The following SMOC2 variants were observed in gnomAD, a reference collection of about 807,000 sequenced individuals.
SMOC2 encodes the protein SPARC-related modular calcium-binding protein 2.
SMOC2 carries 39 observed loss-of-function variants against 61.4 expected under a neutral mutation model. The ratio of observed to expected loss-of-function variants is 0.64; its 90% CI spans 0.49 to 0.83. SMOC2 has a LOEUF of 0.83. Ranked by LOEUF, SMOC2 falls within the 40% of genes least tolerant of loss-of-function variation. The pLI is 0.00. For missense variants in SMOC2, 556 were observed against 592.9 expected (o/e 0.94, Z 0.65); for synonymous variants, 247 against 239.9 (o/e 1.03, Z -0.27).
intron 9 of SMOC2, among the ~76,000 whole-genome samples, chr6:168,624,537 CAT>C (rs1160734895): frequency 6.9e-6 from 1 of 144,122 alleles, no homozygotes; most frequent in African/African-American, 2.5e-5. Context: ...CAGATTCACA[CAT>C]AGACACATGC....
intron 1 of SMOC2, among the ~76,000 whole-genome samples, chr6:168,444,650 G>A (rs571122236): frequency 4.7e-4 from 72 of 152,226 alleles, no homozygotes; most frequent in Non-Finnish European, 9.7e-4. Context: ...GAAGAAGGAG[G>A]TACATTGAAT....
At chr6:168,529,855 A>G (rs1011479185) in intron 4 of SMOC2, among the ~76,000 whole-genome samples, 1 of 152,224 alleles carries the variant, frequency 6.6e-6, no homozygotes, top group African/African-American at 2.4e-5. Flanking sequence ...GGTCAACAGC[A>G]TGGGCCACAG....
chr6:168,604,973 G>A (rs575537149), intron 8 of SMOC2, among the ~76,000 whole-genome samples: 14 of 152,242 alleles, frequency 9.2e-5, no homozygotes, highest in African/African-American at 1.4e-4. Flanking sequence ...TGCAGATCCC[G>A]GAAGGAGGGG....
chr6:168,529,890 C>T (rs372470746), intron 4 of SMOC2, among the ~76,000 whole-genome samples: 3 of 152,158 alleles, frequency 2.0e-5, no homozygotes, highest in South Asian at 2.1e-4. Context: ...GATCTGTAGG[C>T]GCCAGGGAGC....
At chr6:168,595,459 G>A (rs886121079) in intron 7 of SMOC2, among the ~76,000 whole-genome samples, 9 of 152,176 alleles carry the variant, frequency 5.9e-5, no homozygotes, top group Admixed American at 2.0e-4. Context: ...AACCACCCCC[G>A]TCAGCTCTGC....
intron 9 of SMOC2, among the ~76,000 whole-genome samples, chr6:168,630,984 A>AC (rs1245303795): frequency 1.3e-5 from 2 of 152,122 alleles, no homozygotes; most frequent in Non-Finnish European, 2.9e-5. Flanking sequence ...TTTTAATTTC[A>AC]CCCCGGGCCT....
chr6:168,608,517 C>G (rs1785771437), intron 9 of SMOC2, among the ~76,000 whole-genome samples: 1 of 152,168 alleles, frequency 6.6e-6, no homozygotes, highest in African/African-American at 2.4e-5. Flanking sequence ...CAGATCAGCA[C>G]ACAGCACCCT....
At chr6:168,465,100 C>A (rs988014821) in intron 1 of SMOC2, among the ~76,000 whole-genome samples, 1 of 152,246 alleles carries the variant, frequency 6.6e-6, no homozygotes, top group African/African-American at 2.4e-5. Flanking sequence ...AGGAAGGGAA[C>A]CTGCCCAGCG....
chr6:168,595,248 C>T (rs866699107), intron 7 of SMOC2, among the ~76,000 whole-genome samples: 13 of 79,186 alleles, frequency 1.6e-4, no homozygotes, highest in South Asian at 4.3e-4. Flanking sequence ...TGAGGCCTCA[C>T]GGGCATCTTT....
intron 1 of SMOC2, among the ~76,000 whole-genome samples, chr6:168,456,648 G>A (rs938165693): frequency 1.3e-5 from 2 of 152,138 alleles, no homozygotes; most frequent in Non-Finnish European, 2.9e-5. Flanking sequence ...GGCTAGTACT[G>A]GATTTCAAAA....
intron 9 of SMOC2, among the ~76,000 whole-genome samples, chr6:168,627,399 T>C (rs1786441759): frequency 6.6e-6 from 1 of 152,220 alleles, no homozygotes; most frequent in Admixed American, 6.5e-5. Flanking sequence ...TATCTCCTGA[T>C]TGCTTGCTCC....
chr6:168,615,144 GGGGCCTCTTCACACCTACAGCCAGCACA>G (rs1786035327), intron 9 of SMOC2, among the ~76,000 whole-genome samples: 2 of 4,252 alleles, frequency 4.7e-4, no homozygotes, highest in African/African-American at 1.3e-3. Flanking sequence ...GCCAGCACAG[GGGGCCTCTTCACACCTACAGCCAGCACA>G]GGGCCTCTTC....
intron 9 of SMOC2, 93 bp from the exon 10 acceptor site, chr6:168,650,588 T>C: frequency 8.0e-7 from 1 of 1,242,384 alleles, no homozygotes. Context: ...AAAATACTCA[T>C]TTCCAAACAG....
intron 2 of SMOC2, among the ~76,000 whole-genome samples, chr6:168,520,605 C>T (rs753165413): frequency 6.6e-6 from 1 of 152,240 alleles, no homozygotes; most frequent in Non-Finnish European, 1.5e-5. Flanking sequence ...ATCCAGCTAG[C>T]TGCTCCTTCC....
intron 7 of SMOC2, among the ~76,000 whole-genome samples, chr6:168,581,500 G>A (rs1164303195): frequency 1.3e-5 from 2 of 152,178 alleles, no homozygotes; most frequent in African/African-American, 4.8e-5. Flanking sequence ...TGACACTGAC[G>A]TTTGAGAATC....
chr6:168,569,053 T>C (rs1348914152), intron 7 of SMOC2, among the ~76,000 whole-genome samples: 1 of 152,206 alleles, frequency 6.6e-6, no homozygotes, highest in East Asian at 1.9e-4. Flanking sequence ...TTCAGCACAT[T>C]TGGCTAAATA....
At chr6:168,664,140 C>G in intron 12 of SMOC2, 29 bp downstream of exon 12, 1 of 1,564,712 alleles carries the variant, frequency 6.4e-7, no homozygotes, top group Non-Finnish European at 8.7e-7. Flanking sequence ...TACTCTTAAC[C>G]ATTTCGTTTT....
intron 2 of SMOC2, among the ~76,000 whole-genome samples, chr6:168,518,211 C>A (rs569962498): frequency 4.6e-5 from 7 of 152,204 alleles, no homozygotes; most frequent in Admixed American, 2.6e-4. Flanking sequence ...TGGCTCCTAT[C>A]GGGCAGCATC....
chr6:168,606,715 G>A (rs968003463), intron 8 of SMOC2, among the ~76,000 whole-genome samples: 38 of 152,242 alleles, frequency 2.5e-4, no homozygotes, highest in Admixed American at 6.5e-4. Context: ...GAGAACTGGC[G>A]GAACGCTGGC....
Sources: allele counts gnomAD v4.1 joint callset (sites outside exome capture counted in the v4.1 genomes callset), GRCh38; gene constraint gnomAD v4.1.1; transcripts MANE v1.5; gene names NCBI Gene and HGNC (gene_info 2026-07-23, HGNC 2026-07-21).